DNAH3: variants seen among roughly 807,000 people sequenced by gnomAD.
The protein encoded by DNAH3 is axonemal beta dynein heavy chain 3.
Under a neutral mutation model 432.5 loss-of-function variants are expected in DNAH3, and 332 were observed. That is an observed-to-expected ratio of 0.77 (90% confidence interval 0.70 to 0.84). The LOEUF is 0.84. DNAH3 is among the 40% of genes least tolerant of loss of function. DNAH3 has a pLI of 0.00. For missense variants in DNAH3, 4,861 were observed against 5,114.0 expected, an observed-to-expected ratio of 0.95 and a Z score of 1.51; for synonymous variants, 1,956 against 1,900.2, an observed-to-expected ratio of 1.03 and a Z score of -0.76.
At chr16:21,040,131 C>A (rs1475910407) in intron 32 of DNAH3, among the ~76,000 whole-genome samples, 188 bp from the exon 33 acceptor site, 1 of 152,058 alleles carries the variant, frequency 6.6e-6, no homozygotes, top group African/African-American at 2.4e-5. Context: ...ATGGCTCAAC[C>A]AACCTCCCCA....
chr16:20,986,192 C>A lies in DNAH3; in HGVS notation c.7027-477G>T, dbSNP rs572215090. Among the ~76,000 whole-genome samples, 3 of 151,044 alleles carry A rather than the reference C, an allele frequency of 2.0e-5. No homozygotes were observed. The East Asian group carries it at 6.0e-4, about 30-fold the overall frequency. On this transcript the variant is annotated intron_variant, in intron 47 of 61. Transcript: ENST00000261383. ...TTTTTTAAACATAATATGTGGATTT[C>A]ATGCTTGTAAAGACTATAATGAAAG...
At chr16:20,982,948 G>A in intron 48 of DNAH3, 62 bp from the exon 49 acceptor site, 1 of 1,595,278 alleles carries the variant, frequency 6.3e-7, no homozygotes, top group Non-Finnish European at 8.6e-7. Context: ...AAGGAGGCAG[G>A]CGGGTATTCC....
At chr16:21,020,984 C>T (rs1054507144) in intron 40 of DNAH3, among the ~76,000 whole-genome samples, 8 of 152,126 alleles carry the variant, frequency 5.3e-5, no homozygotes, top group African/African-American at 1.9e-4. Flanking sequence ...AGAGAAGAAT[C>T]GCACAGTCAT....
exon 19 of DNAH3, chr16:21,086,910 T>C (rs765224520): frequency 6.2e-7 from 1 of 1,614,208 alleles, no homozygotes. Context: ...GGGAATGTAC[T>C]GCTTGAACTT....
At chr16:21,126,335 C>T (rs991128190) in intron 8 of DNAH3, among the ~76,000 whole-genome samples, 1 of 152,168 alleles carries the variant, frequency 6.6e-6, no homozygotes, top group African/African-American at 2.4e-5. Context: ...CAGAGAAGCA[C>T]TACTACTGGT....
chr16:20,959,033 G>T (rs2084693732), intron 54 of DNAH3, 146 bp downstream of exon 54: 1 of 768,096 alleles, frequency 1.3e-6, no homozygotes, highest in Non-Finnish European at 2.1e-6. Context: ...TTTCCAAAGT[G>T]CTGGGATTAC....
Position 21,022,120 on chromosome 16 carries a change from T to C in DNAH3, c.5647-20A>G, listed in dbSNP as rs748052145. ...ATTGACCTGAGAGTAGAAACCTCCA[T>C]GAGACTTGGAGACATGATCAACAAG... On this transcript the variant is annotated intron_variant, in intron 39 of 61. Transcript: ENST00000261383. The C allele has an allele frequency of 1.9e-6, 3 of 1,613,188 alleles. No homozygotes were observed. The highest frequency in any genetic ancestry group is 1.7e-6 in the Non-Finnish European group (2 of 1,179,648).
At position 21,037,982 on chromosome 16, in the gene DNAH3, T is replaced by C. The variant is rs2089256506; in HGVS notation, c.4731-2A>G. 1.9e-6 allele frequency: 3 copies of C among 1,613,512 alleles called. No homozygotes were observed. Among genetic ancestry groups the C allele is most frequent in the South Asian group, 1.1e-5 (1 of 91,042 alleles). On this transcript the variant is annotated splice_acceptor_variant, in intron 33 of 61. Transcript: ENST00000261383. LOFTEE classifies it high-confidence loss of function. ...GTCGCAACGATCTTCTGGGCGAGACTAGAAGGGCAAAGACATGTATGCGGA... is the reference window on the plus strand; with the variant it reads ...GTCGCAACGATCTTCTGGGCGAGACCAGAAGGGCAAAGACATGTATGCGGA...
chr16:21,153,988 G>T (rs2092882007), intron 1 of DNAH3, among the ~76,000 whole-genome samples: 1 of 152,334 alleles, frequency 6.6e-6, no homozygotes, highest in Admixed American at 6.5e-5. Flanking sequence ...TGGAATAATT[G>T]AGACAGTGGG....
intron 37 of DNAH3, 58 bp from the exon 38 acceptor site, chr16:21,027,185 G>A: frequency 8.0e-7 from 1 of 1,247,698 alleles, no homozygotes; most frequent in Non-Finnish European, 1.2e-6. Flanking sequence ...CCATCTGCAA[G>A]TAAGAGGTCT....
At chr16:20,979,510 G>A (rs1002130516) in exon 50 of DNAH3, 8 of 1,613,990 alleles carry the variant, frequency 5.0e-6, no homozygotes, top group Middle Eastern at 3.3e-4. Context: ...ACAGCTTCTT[G>A]ACGCTCTCTT....
chr16:20,984,965 G>A, intron 48 of DNAH3, 84 bp downstream of exon 48: 1 of 1,184,320 alleles, frequency 8.4e-7, no homozygotes, highest in Non-Finnish European at 1.2e-6. Context: ...TGGGACCATT[G>A]TAAGGGATTG....
intron 52 of DNAH3, among the ~76,000 whole-genome samples, 174 bp downstream of exon 52, chr16:20,969,618 G>A (rs1376319409): frequency 6.6e-6 from 1 of 152,238 alleles, no homozygotes; most frequent in African/African-American, 2.4e-5. Context: ...GGCCGCTGGA[G>A]AAGCCTGAGA....
chr16:21,019,462 T>C, intron 41 of DNAH3, 162 bp downstream of exon 41: 1 of 820,094 alleles, frequency 1.2e-6, no homozygotes, highest in Non-Finnish European at 1.9e-6. Context: ...AACCAGCCAA[T>C]GATGATATTT....
intron 32 of DNAH3, 116 bp downstream of exon 32, chr16:21,041,911 G>T: frequency 1.7e-6 from 2 of 1,175,668 alleles, no homozygotes; most frequent in Non-Finnish European, 2.5e-6. Context: ...GACCTCAGGT[G>T]ATTTGCCCAC....
intron 16 of DNAH3, chr16:21,104,253 G>A (rs982861803): frequency 2.2e-6 from 1 of 455,616 alleles, no homozygotes; most frequent in East Asian, 3.7e-5. Context: ...GGCAGGAAGG[G>A]AAGACATTAG....
chr16:21,141,457 G>A lies in DNAH3; in HGVS notation c.449-85C>T. ...CCACAGGGGCATGACTCTCGGAACAGTCCAGGAGCACACTAAGGGGAGCGG... is the reference window on the plus strand; with the variant it reads ...CCACAGGGGCATGACTCTCGGAACAATCCAGGAGCACACTAAGGGGAGCGG... On this transcript the variant is annotated intron_variant, in intron 3 of 61. Transcript: ENST00000261383. The A allele has an allele frequency of 2.0e-6, 2 of 991,514 alleles. 1 individual carries two copies. The highest frequency in any genetic ancestry group is 4.2e-4 in the Middle Eastern group (2 of 4,714). The allele number at this position is 991,514 out of a possible 1,614,324, so 61.4% of individuals were successfully genotyped here.
At chr16:21,131,456 A>G (rs1375797097) in intron 7 of DNAH3, among the ~76,000 whole-genome samples, 16 of 122,580 alleles carry the variant, frequency 1.3e-4, no homozygotes, top group Non-Finnish European at 6.7e-5. Flanking sequence ...AGAAGGAAAG[A>G]AAGGAAGGAA....
At chr16:20,935,657 T>C (rs1286972136) in intron 60 of DNAH3, among the ~76,000 whole-genome samples, 172 bp from the exon 61 acceptor site, 3 of 152,008 alleles carry the variant, frequency 2.0e-5, no homozygotes, top group Admixed American at 1.3e-4. Context: ...CAAAGAAATA[T>C]ATTTACACTT....
Sources: gnomAD v4.1 joint callset for allele counts (sites outside exome capture counted in the v4.1 genomes callset) on GRCh38, gnomAD v4.1.1 for gene constraint, MANE v1.5 for transcripts, NCBI Gene and HGNC (gene_info 2026-07-23, HGNC 2026-07-21) for gene names.